Variants in GPRIN3 observed in about 807,000 individuals in gnomAD.
GPRIN3 encodes GPRIN family member 3.
In GPRIN3, 12 loss-of-function variants were observed where a neutral mutation model predicts 13.7. The ratio of observed to expected loss-of-function variants is 0.87; its 90% CI spans 0.56 to 1.42. GPRIN3 has a LOEUF of 1.42. GPRIN3 is among the 40% of genes most tolerant of loss of function. GPRIN3 has a pLI of 0.00. For missense variants in GPRIN3, 1,009 were observed against 958.7 expected (o/e 1.05, Z -0.69); for synonymous variants, 377 against 372.7 (o/e 1.01, Z -0.13).
At chr4:89,257,680 G>A (rs1450318452) in intron 1 of GPRIN3, among the ~76,000 whole-genome samples, 1 of 152,132 alleles carries the variant, frequency 6.6e-6, no homozygotes, top group Non-Finnish European at 1.5e-5. Flanking sequence ...TTTTACACAG[G>A]GAAGAGAGAC....
chr4:89,266,526 A>G (rs924266117), intron 1 of GPRIN3, among the ~76,000 whole-genome samples: 13 of 152,258 alleles, frequency 8.5e-5, no homozygotes, highest in Non-Finnish European at 1.5e-4. Flanking sequence ...TTCCTTTGAA[A>G]TGAAGTTGAA....
At position 89,252,667 on chromosome 4, in the gene GPRIN3, A is replaced by C. The variant is rs111624041; in HGVS notation, c.-123-2434T>G. On this transcript the variant is annotated intron_variant, in intron 1 of 1. Coordinates refer to ENST00000609438, the MANE Select transcript of GPRIN3 (RefSeq NM_198281.3). ...TATCACATAAGATCTAACAATAAAT[A>C]GAATGCATTTTCTCCTCTAAACAAG... Among the ~76,000 whole-genome samples, 584 of 152,340 alleles carry C rather than the reference A, an allele frequency of 3.8e-3. 3 individuals are homozygous for C. Among genetic ancestry groups the C allele is most frequent in the African/African-American group, 0.013 (541 of 41,576 alleles).
chr4:89,243,585 T>C lies in GPRIN3; in HGVS notation c.*4195A>G, dbSNP rs1004043150. 2.6e-5 allele frequency: 4 copies of C among 152,180 alleles called. No individual in the cohort carries two copies. Among genetic ancestry groups the C allele is most frequent in the Non-Finnish European group, 5.9e-5 (4 of 68,040 alleles). The allele number at this position is 152,180 out of a possible 1,614,324, so 9.4% of individuals were successfully genotyped here. Reference sequence around the variant, plus strand: ...ACACAAAAACAGAGTGGGAATAAGGTAGTCGGCTCACTTATGCAAGATACT... The same window carrying C: ...ACACAAAAACAGAGTGGGAATAAGGCAGTCGGCTCACTTATGCAAGATACT... On this transcript the variant is annotated 3_prime_UTR_variant, in exon 2 of 2. Coordinates refer to ENST00000609438, the MANE Select transcript of GPRIN3 (RefSeq NM_198281.3).
intron 1 of GPRIN3, among the ~76,000 whole-genome samples, chr4:89,303,412 C>T (rs1433332102): frequency 6.6e-6 from 1 of 152,106 alleles, no homozygotes; most frequent in Admixed American, 6.5e-5. Flanking sequence ...CAGTAACATT[C>T]AACTGAACAA....
chr4:89,260,263 A>G (rs1723588267), intron 1 of GPRIN3, among the ~76,000 whole-genome samples: 1 of 152,108 alleles, frequency 6.6e-6, no homozygotes, highest in Non-Finnish European at 1.5e-5. Flanking sequence ...GAATAGGCAA[A>G]TTCCTCAGGG....
chr4:89,300,181 C>T (rs898480216), intron 1 of GPRIN3, among the ~76,000 whole-genome samples: 1 of 152,080 alleles, frequency 6.6e-6, no homozygotes, highest in African/African-American at 2.4e-5. Context: ...GCTTTGTAGA[C>T]ACATCAATTT....
At chr4:89,291,830 C>CTTTTTTTTT (rs33981386) in intron 1 of GPRIN3, among the ~76,000 whole-genome samples, 3 of 115,856 alleles carry the variant, frequency 2.6e-5, no homozygotes, top group African/African-American at 6.2e-5. Flanking sequence ...ACTGTCAGGG[C>CTTTTTTTTT]TTTTTTTTTT....
At chr4:89,299,286 C>T (rs1171553806) in intron 1 of GPRIN3, among the ~76,000 whole-genome samples, 1 of 151,958 alleles carries the variant, frequency 6.6e-6, no homozygotes, top group African/African-American at 2.4e-5. Flanking sequence ...ACTGTCTTCT[C>T]GGAGTGAAGC....
chr4:89,286,713 C>T (rs552788517), intron 1 of GPRIN3, among the ~76,000 whole-genome samples: 7 of 152,094 alleles, frequency 4.6e-5, no homozygotes, highest in African/African-American at 1.4e-4. Context: ...TTTCTTTCTC[C>T]CATTACATTG....
At chr4:89,261,367 G>A (rs1230971955) in intron 1 of GPRIN3, among the ~76,000 whole-genome samples, 3 of 152,186 alleles carry the variant, frequency 2.0e-5, no homozygotes, top group African/African-American at 7.2e-5. Flanking sequence ...CTGATTGAAA[G>A]AACCACTGAT....
In GPRIN3 at chr4:89,241,311, T is replaced by G. The variant is rs1159543304; in HGVS notation, c.*6469A>C. The G allele has an allele frequency of 6.6e-6, 1 of 152,208 alleles. No individual in the cohort carries two copies. The highest frequency in any genetic ancestry group is 1.5e-5 in the Non-Finnish European group (1 of 68,012). The allele number at this position is 152,208 out of a possible 1,614,324, so 9.4% of individuals were successfully genotyped here. ...CACTTTTGTTGGCTTTATTCATGTA[T>G]GTACATATGCCTGCCTGAATACAGA... On this transcript the variant is annotated 3_prime_UTR_variant, in exon 2 of 2. Coordinates refer to ENST00000609438, the MANE Select transcript of GPRIN3 (RefSeq NM_198281.3).
rs987178411 is a variant in GPRIN3, at chr4:89,242,055, C to A, written c.*5725G>T. On this transcript the variant is annotated 3_prime_UTR_variant, in exon 2 of 2. Coordinates refer to ENST00000609438, the MANE Select transcript of GPRIN3 (RefSeq NM_198281.3). ...GCAATTCTCTCCCATTTAATTCTTT[C>A]TAACATCATTAAATCACTGGGGTAT... is the stretch of plus-strand genomic sequence containing the variant. 1 of 152,186 alleles carries A rather than the reference C, an allele frequency of 6.6e-6. No homozygotes were observed. The highest frequency in any genetic ancestry group is 2.4e-5 in the African/African-American group (1 of 41,464). The allele number at this position is 152,186 out of a possible 1,614,324, so 9.4% of individuals were successfully genotyped here.
chr4:89,262,557 CG>C (rs1220645844), intron 1 of GPRIN3, among the ~76,000 whole-genome samples: 5 of 152,164 alleles, frequency 3.3e-5, no homozygotes, highest in Non-Finnish European at 2.9e-5. Context: ...TGCTGGTCTA[CG>C]CTTCAACACC....
intron 1 of GPRIN3, among the ~76,000 whole-genome samples, chr4:89,285,595 T>C (rs1049637022): frequency 6.6e-6 from 1 of 152,208 alleles, no homozygotes; most frequent in Non-Finnish European, 1.5e-5. Flanking sequence ...TCTGAAAATG[T>C]GTTGGACACC....
intron 1 of GPRIN3, among the ~76,000 whole-genome samples, chr4:89,255,896 C>A (rs897952983): frequency 1.2e-4 from 18 of 152,140 alleles, no homozygotes; most frequent in African/African-American, 3.4e-4. Flanking sequence ...CTAATGGTAC[C>A]TCTGAGTTTA....
chr4:89,297,587 A>G (rs1027316605), intron 1 of GPRIN3, among the ~76,000 whole-genome samples: 2 of 152,176 alleles, frequency 1.3e-5, no homozygotes, highest in African/African-American at 4.8e-5. Flanking sequence ...CCTCCCAGTC[A>G]GGGCAAATAC....
chr4:89,305,742 A>G (rs973027983), intron 1 of GPRIN3, among the ~76,000 whole-genome samples: 1 of 152,248 alleles, frequency 6.6e-6, no homozygotes, highest in African/African-American at 2.4e-5. Context: ...AAAATGTTGC[A>G]GGAACAAATA....
intron 1 of GPRIN3, among the ~76,000 whole-genome samples, chr4:89,304,566 A>T (rs1429560631): frequency 6.6e-6 from 1 of 152,204 alleles, no homozygotes; most frequent in African/African-American, 2.4e-5. Context: ...AAGGGCACTT[A>T]ATGATTACTA....
chr4:89,260,510 A>G (rs542402797), intron 1 of GPRIN3, among the ~76,000 whole-genome samples: 1 of 152,322 alleles, frequency 6.6e-6, no homozygotes, highest in South Asian at 2.1e-4. Flanking sequence ...CGAGTACATA[A>G]AGGTTTTGCT....
Sources: gnomAD v4.1 joint callset for allele counts (sites outside exome capture counted in the v4.1 genomes callset) on GRCh38, gnomAD v4.1.1 for gene constraint, MANE v1.5 for transcripts, NCBI Gene and HGNC (gene_info 2026-07-23, HGNC 2026-07-21) for gene names.